CFAP61: variants seen among roughly 807,000 people sequenced by gnomAD.
CFAP61 encodes the protein cilia and flagella associated protein 61.
Under a neutral mutation model 135.6 loss-of-function variants are expected in CFAP61, and 107 were observed. The observed-to-expected ratio is 0.79, with a 90% CI of 0.67 to 0.93. CFAP61 has a LOEUF of 0.93. CFAP61 is among the 40% of genes least tolerant of loss of function. The probability of loss-of-function intolerance (pLI) is 0.00; values close to 1 mark genes in which losing one functional copy is unlikely to be tolerated. For missense variants in CFAP61, 1,507 were observed against 1,556.2 expected, an observed-to-expected ratio of 0.97 and a Z score of 0.53; for synonymous variants, 575 against 578.5, an observed-to-expected ratio of 0.99 and a Z score of 0.09.
intron 15 of CFAP61, among the ~76,000 whole-genome samples, chr20:20,194,312 T>G (rs1462065859): frequency 1.3e-5 from 2 of 152,248 alleles, no homozygotes; most frequent in East Asian, 3.8e-4. Flanking sequence ...GTTGTGTTTA[T>G]TCTATTACCC....
intron 20 of CFAP61, among the ~76,000 whole-genome samples, chr20:20,256,400 C>CG (rs1453976825): frequency 6.7e-6 from 1 of 148,674 alleles, no homozygotes; most frequent in Non-Finnish European, 1.5e-5. Flanking sequence ...AAAATTTAGG[C>CG]CACACACACA....
intron 17 of CFAP61, among the ~76,000 whole-genome samples, chr20:20,204,241 T>C (rs1319885802): frequency 6.6e-6 from 1 of 152,220 alleles, no homozygotes; most frequent in African/African-American, 2.4e-5. Context: ...TTTTTCTGGT[T>C]GCTTATTAAT....
intron 21 of CFAP61, among the ~76,000 whole-genome samples, chr20:20,271,888 T>C (rs1356255481): frequency 2.0e-5 from 3 of 152,180 alleles, no homozygotes; most frequent in African/African-American, 7.2e-5. Context: ...AGTGACTAAA[T>C]CTTTTAGCAT....
chr20:20,059,050 G>A (rs944359841), intron 2 of CFAP61, among the ~76,000 whole-genome samples: 10 of 152,062 alleles, frequency 6.6e-5, no homozygotes, highest in Non-Finnish European at 7.3e-5. Context: ...ATTAAAGAAG[G>A]CCGGACACAG....
intron 8 of CFAP61, among the ~76,000 whole-genome samples, chr20:20,103,255 T>G (rs1277095253): frequency 6.6e-6 from 1 of 152,218 alleles, no homozygotes; most frequent in Non-Finnish European, 1.5e-5. Flanking sequence ...TCTAAAATGT[T>G]TAACTGTGTA....
intron 8 of CFAP61, among the ~76,000 whole-genome samples, chr20:20,127,088 T>TTATC (rs751227417): frequency 2.6e-5 from 4 of 151,652 alleles, no homozygotes; most frequent in Non-Finnish European, 5.9e-5. Context: ...TTTCTTTATG[T>TTATC]TATCTATTTC....
Position 20,075,500 on chromosome 20 carries a change from A to G in CFAP61, c.451A>G (p.Ile151Val), listed in dbSNP as rs2045986897. The G allele has an allele frequency of 1.2e-6, 2 of 1,613,834 alleles. No individual in the cohort carries two copies. The highest frequency in any genetic ancestry group is 2.7e-5 in the African/African-American group (2 of 74,914). Residue 151 changes from isoleucine (I) to valine (V), a missense_variant, in exon 6 of 27, where the codon ATA becomes GTA. Coordinates refer to ENST00000245957, the MANE Select transcript of CFAP61 (RefSeq NM_015585.4). Reference protein sequence around the residue: ...PSYMSLGSTLITVFDQVGNIP... With the variant: ...PSYMSLGSTLVTVFDQVGNIP... Reference sequence around the variant, plus strand: ...TCTCTGTGATTTAGGCTCAACTCTCATAACTGTTTTTGACCAAGTGGGGAA... The same window carrying G: ...TCTCTGTGATTTAGGCTCAACTCTCGTAACTGTTTTTGACCAAGTGGGGAA...
intron 6 of CFAP61, among the ~76,000 whole-genome samples, chr20:20,080,375 A>G (rs1298085188): frequency 6.6e-6 from 1 of 152,184 alleles, no homozygotes; most frequent in Non-Finnish European, 1.5e-5. Context: ...TGGCCTAACC[A>G]TCATGTAGCT....
intron 13 of CFAP61, among the ~76,000 whole-genome samples, chr20:20,175,195 G>A (rs765398899): frequency 2.6e-5 from 4 of 152,206 alleles, no homozygotes; most frequent in Non-Finnish European, 4.4e-5. Flanking sequence ...CTGGATGTAC[G>A]GCCACCATGG....
chr20:20,258,209 C>G (rs1228121736), intron 20 of CFAP61, among the ~76,000 whole-genome samples: 1 of 152,046 alleles, frequency 6.6e-6, no homozygotes, highest in East Asian at 1.9e-4. Flanking sequence ...AGTGCACCAG[C>G]AAAAGACTGT....
At chr20:20,076,950 G>A (rs980688504) in intron 6 of CFAP61, among the ~76,000 whole-genome samples, 1 of 152,150 alleles carries the variant, frequency 6.6e-6, no homozygotes. Context: ...ATGATTGTGA[G>A]CTAATGAACA....
At chr20:20,336,749 G>A (rs2058206364) in intron 25 of CFAP61, among the ~76,000 whole-genome samples, 1 of 152,228 alleles carries the variant, frequency 6.6e-6, no homozygotes, top group South Asian at 2.1e-4. Flanking sequence ...GCCTAGGGAT[G>A]AAGCTGCAGA....
At chr20:20,209,795 C>G (rs1430257869) in intron 17 of CFAP61, among the ~76,000 whole-genome samples, 1 of 152,152 alleles carries the variant, frequency 6.6e-6, no homozygotes, top group East Asian at 1.9e-4. Flanking sequence ...AATGTCATGG[C>G]ATCGTGGCAG....
At chr20:20,105,935 T>C (rs992203813) in intron 8 of CFAP61, among the ~76,000 whole-genome samples, 3 of 147,266 alleles carry the variant, frequency 2.0e-5, no homozygotes, top group African/African-American at 7.5e-5. Flanking sequence ...AATTTCATTT[T>C]TTTAAGCCAC....
chr20:20,299,099 G>A (rs1394124437), intron 25 of CFAP61, among the ~76,000 whole-genome samples: 2 of 152,142 alleles, frequency 1.3e-5, no homozygotes, highest in Non-Finnish European at 2.9e-5. Flanking sequence ...CAGTGTTCTC[G>A]ACACCCACAG....
intron 2 of CFAP61, among the ~76,000 whole-genome samples, chr20:20,057,302 C>T (rs2044435023): frequency 6.6e-6 from 1 of 152,056 alleles, no homozygotes; most frequent in Admixed American, 6.5e-5. Context: ...ATATGCAAAT[C>T]AAAAAGGTTT....
chr20:20,269,188 CATATAT>C (rs376367660), intron 21 of CFAP61, among the ~76,000 whole-genome samples: 30 of 131,136 alleles, frequency 2.3e-4, no homozygotes, highest in African/African-American at 5.3e-4. Flanking sequence ...TATACACACA[CATATAT>C]ACATATATGT....
rs148409224 is a variant in CFAP61, at chr20:20,122,929, G to GT, written c.860-19920dup. ...CACCACATCCACGCCAACATCTACT[G>GT]TTTTTTTTAATATATTTTTTTATTA... On this transcript the variant is annotated intron_variant, in intron 8 of 26. Coordinates refer to ENST00000245957, the MANE Select transcript of CFAP61 (RefSeq NM_015585.4). Among the ~76,000 whole-genome samples the GT allele has an allele frequency of 2.0e-4, 31 of 151,242 alleles. 2 individuals are homozygous for GT. Among genetic ancestry groups the GT allele is most frequent in the East Asian group, 5.8e-4 (3 of 5,178 alleles).
intron 9 of CFAP61, among the ~76,000 whole-genome samples, chr20:20,151,583 T>C (rs1050268675): frequency 6.6e-6 from 1 of 151,928 alleles, no homozygotes; most frequent in Non-Finnish European, 1.5e-5. Context: ...TCCCAGCACT[T>C]TGGGAGGCCG....
Sources: allele counts gnomAD v4.1 joint callset (sites outside exome capture counted in the v4.1 genomes callset), GRCh38; gene constraint gnomAD v4.1.1; transcripts MANE v1.5; gene names NCBI Gene and HGNC (gene_info 2026-07-23, HGNC 2026-07-21).